Variants in ZNF804B observed in about 807,000 individuals in gnomAD.
ZNF804B encodes zinc finger protein 804B.
A neutral mutation model predicts 101.4 loss-of-function variants in ZNF804B; 80 were observed. That is an observed-to-expected ratio of 0.79 (90% CI 0.66 to 0.95). The LOEUF (loss-of-function observed/expected upper bound fraction) is 0.95, where lower values mean the gene tolerates loss of function less well. ZNF804B is among the 40% of genes least tolerant of loss of function. The pLI is 0.00. For missense variants in ZNF804B, 1,673 were observed against 1,561.9 expected, an observed-to-expected ratio of 1.07 and a Z score of -1.20; for synonymous variants, 622 against 558.8, an observed-to-expected ratio of 1.11 and a Z score of -1.59.
At chr7:89,203,457 C>A (rs1271318632) in intron 1 of ZNF804B, among the ~76,000 whole-genome samples, 1 of 152,100 alleles carries the variant, frequency 6.6e-6, no homozygotes, top group Non-Finnish European at 1.5e-5. Context: ...ATATCTTTCT[C>A]TCAAAGTAAA....
At chr7:89,285,063 A>T (rs1034812576) in intron 2 of ZNF804B, among the ~76,000 whole-genome samples, 29 of 151,766 alleles carry the variant, frequency 1.9e-4, no homozygotes, top group African/African-American at 6.0e-4. Context: ...ATTTAAATTT[A>T]AAAAAAATAG....
intron 2 of ZNF804B, among the ~76,000 whole-genome samples, chr7:89,257,048 GT>G (rs1789641271): frequency 6.6e-6 from 1 of 152,138 alleles, no homozygotes; most frequent in East Asian, 1.9e-4. Context: ...AGTTAGACAA[GT>G]TACTGCTGCT....
chr7:88,981,471 A>G (rs1037228971), intron 1 of ZNF804B, among the ~76,000 whole-genome samples: 1 of 152,058 alleles, frequency 6.6e-6, no homozygotes, highest in Non-Finnish European at 1.5e-5. Flanking sequence ...GGTTGAGGAA[A>G]GAGTAACACA....
At chr7:88,847,107 C>T (rs1271876787) in intron 1 of ZNF804B, among the ~76,000 whole-genome samples, 1 of 151,874 alleles carries the variant, frequency 6.6e-6, no homozygotes, top group Non-Finnish European at 1.5e-5. Flanking sequence ...AAGATACTCT[C>T]AGTGTAAATT....
chr7:89,175,496 C>T (rs1434810557), intron 1 of ZNF804B, among the ~76,000 whole-genome samples: 2 of 151,834 alleles, frequency 1.3e-5, no homozygotes, highest in African/African-American at 4.8e-5. Flanking sequence ...TAATTTGAAG[C>T]TAGGTAATGT....
chr7:89,229,248 G>A (rs1235067609), intron 2 of ZNF804B, among the ~76,000 whole-genome samples: 1 of 152,234 alleles, frequency 6.6e-6, no homozygotes, highest in East Asian at 1.9e-4. Flanking sequence ...GGCGCTGAGA[G>A]TGAGCGAGGG....
At chr7:89,008,932 T>C (rs73707724) in intron 1 of ZNF804B, among the ~76,000 whole-genome samples, 1 of 152,290 alleles carries the variant, frequency 6.6e-6, no homozygotes, top group African/African-American at 2.4e-5. Flanking sequence ...CAGGTTTCTC[T>C]CATGCTCGAC....
intron 1 of ZNF804B, among the ~76,000 whole-genome samples, chr7:89,208,610 T>A (rs1298803529): frequency 1.3e-5 from 2 of 152,224 alleles, no homozygotes; most frequent in Non-Finnish European, 2.9e-5. Context: ...TCTAACTTGT[T>A]TTTCTGGTGG....
chr7:89,280,904 A>G (rs1477541354), intron 2 of ZNF804B, among the ~76,000 whole-genome samples: 1 of 152,240 alleles, frequency 6.6e-6, no homozygotes, highest in Non-Finnish European at 1.5e-5. Flanking sequence ...AACTCATTTT[A>G]TAAAGGAGTT....
chr7:88,994,826 G>C (rs1793897591), intron 1 of ZNF804B, among the ~76,000 whole-genome samples: 1 of 151,918 alleles, frequency 6.6e-6, no homozygotes, highest in South Asian at 2.1e-4. Context: ...TCATGTATGA[G>C]AAGTTTATAA....
intron 2 of ZNF804B, among the ~76,000 whole-genome samples, chr7:89,283,576 T>A (rs1220491425): frequency 6.6e-6 from 1 of 152,316 alleles, no homozygotes; most frequent in South Asian, 2.1e-4. Flanking sequence ...TGTGTCACTT[T>A]TTGTTGTTAC....
chr7:89,247,481 G>A (rs531406562), intron 2 of ZNF804B, among the ~76,000 whole-genome samples: 1 of 152,034 alleles, frequency 6.6e-6, no homozygotes, highest in African/African-American at 2.4e-5. Flanking sequence ...AAGCGCATAA[G>A]GCTATAGAAG....
intron 1 of ZNF804B, among the ~76,000 whole-genome samples, chr7:89,066,888 G>C (rs1402845882): frequency 6.6e-6 from 1 of 151,910 alleles, no homozygotes; most frequent in Non-Finnish European, 1.5e-5. Flanking sequence ...TCAGCCTCCT[G>C]AGTGTTCTTA....
chr7:89,006,008 A>C (rs1276505015), intron 1 of ZNF804B, among the ~76,000 whole-genome samples: 1 of 152,108 alleles, frequency 6.6e-6, no homozygotes, highest in African/African-American at 2.4e-5. Context: ...TCTCCAGTTA[A>C]TTCTTTTCAA....
chr7:88,957,571 C>G (rs532467880), intron 1 of ZNF804B, among the ~76,000 whole-genome samples: 10 of 151,296 alleles, frequency 6.6e-5, no homozygotes, highest in African/African-American at 2.4e-4. Context: ...AAAATATTTT[C>G]TGGTATTCTT....
At position 88,847,241 on chromosome 7, in the gene ZNF804B, A is replaced by G. The variant is rs988971236; in HGVS notation, c.108+87157A>G. 2.6e-5 allele frequency among the ~76,000 whole-genome samples: 4 copies of G among 152,078 alleles called. 1 individual carries two copies. The highest frequency in any genetic ancestry group is 2.6e-4 in the Admixed American group (4 of 15,262). ...TTAGCAAAATTCTCTTCACTCTGAT[A>G]GTATTCAGTCTCATTCTGTGAGCAT... is the stretch of plus-strand genomic sequence containing the variant. On this transcript the variant is annotated intron_variant, in intron 1 of 3. Coordinates refer to ENST00000333190, the MANE Select transcript of ZNF804B (RefSeq NM_181646.5).
intron 1 of ZNF804B, among the ~76,000 whole-genome samples, chr7:89,007,448 A>T (rs1398495723): frequency 4.9e-5 from 3 of 60,612 alleles, no homozygotes; most frequent in Non-Finnish European, 9.1e-5. Context: ...CCATGATTTT[A>T]TATATATATA....
chr7:89,046,468 G>C lies in ZNF804B; in HGVS notation c.109-171687G>C, dbSNP rs139938494. On this transcript the variant is annotated intron_variant, in intron 1 of 3. Transcript: ENST00000333190. Reference sequence around the variant, plus strand: ...AATGAAATTATAAACAAAAAAGTTTGTAACTTAAAGTCTGAACAAAAGGGT... The same window carrying C: ...AATGAAATTATAAACAAAAAAGTTTCTAACTTAAAGTCTGAACAAAAGGGT... Among the ~76,000 whole-genome samples, 857 of 152,186 alleles carry C rather than the reference G, an allele frequency of 5.6e-3. 11 individuals are homozygous for C. Among genetic ancestry groups the C allele is most frequent in the African/African-American group, 0.02 (811 of 41,534 alleles).
chr7:89,043,157 C>T (rs1407697239), intron 1 of ZNF804B, among the ~76,000 whole-genome samples: 1 of 152,164 alleles, frequency 6.6e-6, no homozygotes, highest in African/African-American at 2.4e-5. Flanking sequence ...TGTAAATCAA[C>T]TCATGGTTGC....
Sources: gnomAD v4.1 joint callset for allele counts (sites outside exome capture counted in the v4.1 genomes callset) on GRCh38, gnomAD v4.1.1 for gene constraint, MANE v1.5 for transcripts, NCBI Gene and HGNC (gene_info 2026-07-23, HGNC 2026-07-21) for gene names.